The following C8orf34 variants were observed in gnomAD, a reference collection of about 807,000 sequenced individuals.
C8orf34 encodes chromosome 8 open reading frame 34, also known as uncharacterized protein C8orf34.
Under a neutral mutation model 68.3 loss-of-function variants are expected in C8orf34, and 65 were observed. The ratio of observed to expected loss-of-function variants is 0.95; its 90% CI spans 0.78 to 1.17. The LOEUF is 1.17. Ranked by LOEUF, C8orf34 falls within the 50% of genes most tolerant of loss-of-function variation. The pLI is 0.00. For synonymous variants in C8orf34, 244 were observed against 241.2 expected (o/e 1.01, Z -0.11); for missense variants, 664 against 655.4 (o/e 1.01, Z -0.14).
intron 12 of C8orf34, chr8:68,791,486 T>A (rs1477586678): frequency 6.6e-6 from 1 of 152,320 alleles, no homozygotes; most frequent in Admixed American, 6.5e-5. Flanking sequence ...GCTTACAAAA[T>A]CAAAACACAA....
At chr8:68,765,133 G>A (rs1463106919) in intron 10 of C8orf34, among the ~76,000 whole-genome samples, 1 of 152,202 alleles carries the variant, frequency 6.6e-6, no homozygotes, top group East Asian at 1.9e-4. Context: ...ATGACAGCCA[G>A]GGATTTGTCC....
At chr8:68,548,624 G>C (rs1815966186) in intron 7 of C8orf34, among the ~76,000 whole-genome samples, 1 of 151,776 alleles carries the variant, frequency 6.6e-6, no homozygotes, top group East Asian at 1.9e-4. Context: ...GTGTTTAGCA[G>C]TGTCTCATAA....
chr8:68,638,362 A>G (rs766117287), intron 7 of C8orf34, among the ~76,000 whole-genome samples: 2 of 151,026 alleles, frequency 1.3e-5, no homozygotes, highest in Admixed American at 6.6e-5. Flanking sequence ...ATATTTTATA[A>G]TGGTGTCTTA....
chr8:68,619,878 G>A (rs1197674327), intron 7 of C8orf34, among the ~76,000 whole-genome samples: 1 of 151,940 alleles, frequency 6.6e-6, no homozygotes, highest in Non-Finnish European at 1.5e-5. Context: ...CTGGCCAGTA[G>A]GAAAAAAGGT....
intron 7 of C8orf34, among the ~76,000 whole-genome samples, chr8:68,564,882 A>G (rs1328517936): frequency 1.3e-5 from 2 of 152,198 alleles, no homozygotes; most frequent in African/African-American, 2.4e-5. Context: ...AAAAGTGCCA[A>G]GGAACAAATG....
chr8:68,341,708 A>G (rs1241892189), intron 1 of C8orf34, among the ~76,000 whole-genome samples: 1 of 152,114 alleles, frequency 6.6e-6, no homozygotes, highest in African/African-American at 2.4e-5. Context: ...TGCTTTTGCC[A>G]TGAAACATGC....
chr8:68,503,470 G>T lies in C8orf34; in HGVS notation c.765+15419G>T, dbSNP rs554486768. On this transcript the variant is annotated intron_variant, in intron 5 of 13. Transcript: ENST00000518698. The stretch of plus-strand genomic sequence containing the variant: ...GATGAAAATGTGTGTGGGTACAAAG[G>T]CATTCATTTATCTTTCCACTTTTGT... 2.8e-4 allele frequency among the ~76,000 whole-genome samples: 43 copies of T among 152,070 alleles called. No homozygotes were observed. In the South Asian group the frequency reaches 8.7e-3, roughly 31 times the overall value.
chr8:68,505,087 G>A (rs1285409850), intron 5 of C8orf34, among the ~76,000 whole-genome samples: 1 of 152,010 alleles, frequency 6.6e-6, no homozygotes, highest in Non-Finnish European at 1.5e-5. Flanking sequence ...AGTGCATGGT[G>A]AGCCACCATG....
chr8:68,546,401 T>C (rs1245236176), intron 7 of C8orf34, among the ~76,000 whole-genome samples: 1 of 151,880 alleles, frequency 6.6e-6, no homozygotes, highest in East Asian at 1.9e-4. Context: ...AAAAGAGAGT[T>C]ATAGCTTAAT....
chr8:68,779,366 C>T (rs573969065), intron 11 of C8orf34, among the ~76,000 whole-genome samples: 68 of 152,122 alleles, frequency 4.5e-4, no homozygotes, highest in Non-Finnish European at 6.5e-4. Context: ...CCGTAAAGAA[C>T]TAGACTGAAG....
chr8:68,622,601 A>ATAAAGTAAGT, intron 7 of C8orf34, among the ~76,000 whole-genome samples: 1 of 152,232 alleles, frequency 6.6e-6, no homozygotes, highest in African/African-American at 2.4e-5. Context: ...AGTGAGCATA[A>ATAAAGTAAGT]GAGACAATAT....
chr8:68,772,812 TTCTTTCTG>T (rs1400917980), intron 10 of C8orf34, among the ~76,000 whole-genome samples: 52 of 149,814 alleles, frequency 3.5e-4, no homozygotes, highest in African/African-American at 1.3e-3. Context: ...CTTTCTTTCT[TTCTTTCTG>T]TCTGTCTTTC....
intron 7 of C8orf34, among the ~76,000 whole-genome samples, chr8:68,559,767 G>A (rs989191652): frequency 2.6e-5 from 4 of 152,200 alleles, no homozygotes; most frequent in Non-Finnish European, 2.9e-5. Context: ...GAAGGGAGTC[G>A]GTTAGATGAA....
At chr8:68,533,528 C>T in intron 7 of C8orf34, 1 of 987,592 alleles carries the variant, frequency 1.0e-6, no homozygotes, top group South Asian at 4.7e-5. Context: ...TTTCAGCCCT[C>T]ACTCCAAAAT....
At chr8:68,391,603 C>G (rs902374675) in intron 1 of C8orf34, among the ~76,000 whole-genome samples, 1 of 152,140 alleles carries the variant, frequency 6.6e-6, no homozygotes, top group Non-Finnish European at 1.5e-5. Context: ...TCTGTCACTG[C>G]TATCAGAGTC....
chr8:68,714,390 C>T (rs943894329), intron 9 of C8orf34, among the ~76,000 whole-genome samples: 3 of 151,956 alleles, frequency 2.0e-5, no homozygotes, highest in African/African-American at 7.3e-5. Context: ...AAAGACTCAT[C>T]CAAAAAGCTC....
intron 10 of C8orf34, among the ~76,000 whole-genome samples, chr8:68,775,791 A>T (rs1233176172): frequency 6.6e-6 from 1 of 152,212 alleles, no homozygotes; most frequent in African/African-American, 2.4e-5. Flanking sequence ...AGATTTAGTT[A>T]GTTACTCTAG....
At chr8:68,381,253 A>G (rs1388086567) in intron 1 of C8orf34, among the ~76,000 whole-genome samples, 1 of 152,218 alleles carries the variant, frequency 6.6e-6, no homozygotes, top group Non-Finnish European at 1.5e-5. Flanking sequence ...CTCTACTCTA[A>G]GTTTATTCCA....
chr8:68,366,323 C>G (rs2129619577), intron 1 of C8orf34, among the ~76,000 whole-genome samples: 1 of 136,058 alleles, frequency 7.3e-6, no homozygotes, highest in South Asian at 2.4e-4. Context: ...CCATACTGCC[C>G]AAGGTAATTT....
Sources: gnomAD v4.1 joint callset for allele counts (sites outside exome capture counted in the v4.1 genomes callset) on GRCh38, gnomAD v4.1.1 for gene constraint, MANE v1.5 for transcripts, NCBI Gene and HGNC (gene_info 2026-07-23, HGNC 2026-07-21) for gene names.